Variants in LEPROTL1 observed in about 807,000 individuals in gnomAD.
The protein encoded by LEPROTL1 is leptin receptor overlapping transcript-like 1.
A neutral mutation model predicts 15.4 loss-of-function variants in LEPROTL1; 6 were observed. The ratio of observed to expected loss-of-function variants is 0.39; its 90% confidence interval spans 0.21 to 0.77. LEPROTL1 has a LOEUF of 0.77. LEPROTL1 is among the 30% of genes least tolerant of loss of function. The probability of loss-of-function intolerance (pLI) is 0.41; values close to 1 mark genes in which losing one functional copy is unlikely to be tolerated. For missense variants in LEPROTL1, 128 were observed against 158.1 expected (o/e 0.81, Z 1.02); for synonymous variants, 56 against 52.6 (o/e 1.06, Z -0.28).
chr8:30,110,004 T>A (rs1270519118), downstream of LEPROTL1, among the ~76,000 whole-genome samples: 1 of 152,204 alleles, frequency 6.6e-6, no homozygotes. Context: ...TATTCTGAGC[T>A]CAAGATACTC....
At chr8:30,122,794 CA>C (rs370853347) in intron 3 of LEPROTL1, among the ~76,000 whole-genome samples, 2 of 152,214 alleles carry the variant, frequency 1.3e-5, no homozygotes, top group Admixed American at 6.5e-5. Context: ...GACTCTCTCC[CA>C]AAAAAACTTT....
Position 30,132,487 on chromosome 8 carries a change from TAG to T in LEPROTL1, c.393_394del (p.Asp132TrpfsTer21), listed in dbSNP as rs1162990495. On this transcript the variant is annotated frameshift_variant and splice_region_variant, in exon 4 of 5. Coordinates refer to the LEPROTL1 transcript ENST00000442880. LOFTEE classifies it low-confidence loss of function (END_TRUNC). The stretch of plus-strand genomic sequence containing the variant: ...GTCGTCCAGGATCCAGTGGGAGTAG[TAG>T]GTGAGCTTGAAAAGCCCAGCTGTGG... 6.4e-7 allele frequency: 1 copy of T among 1,551,704 alleles called. No individual in the cohort carries two copies. Among genetic ancestry groups the T allele is most frequent in the East Asian group, 2.4e-5 (1 of 40,918 alleles).
intron 3 of LEPROTL1, chr8:30,117,929 A>G: frequency 6.1e-6 from 3 of 489,772 alleles, no homozygotes. Flanking sequence ...AAATGCTTAT[A>G]GACATAAAGT....
intron 3 of LEPROTL1, among the ~76,000 whole-genome samples, chr8:30,105,457 C>G (rs1481414636): frequency 6.6e-6 from 1 of 151,214 alleles, no homozygotes; most frequent in South Asian, 2.1e-4. Context: ...TCATGACTTT[C>G]TTTTTAAAGG....
At chr8:30,109,152 C>T (rs907136864), downstream of LEPROTL1, among the ~76,000 whole-genome samples, 3 of 152,036 alleles carry the variant, frequency 2.0e-5, no homozygotes, top group Non-Finnish European at 2.9e-5. Context: ...TTTTAAGTTT[C>T]AGATAACTTT....
intron 4 of LEPROTL1, among the ~76,000 whole-genome samples, chr8:30,136,298 GACACAGACACAT>G (rs1803137732): frequency 6.6e-6 from 1 of 152,142 alleles, no homozygotes; most frequent in Non-Finnish European, 1.5e-5. Context: ...AGACAATTAG[GACACAGACACAT>G]GCACAGACAG....
chr8:30,095,664 G>A, intron 1 of LEPROTL1, 136 bp downstream of exon 1: 1 of 745,878 alleles, frequency 1.3e-6, no homozygotes, highest in Non-Finnish European at 2.0e-6. Context: ...AGCGACCCCC[G>A]CCCCGGCCCT....
chr8:30,098,228 A>G (rs1285963620), intron 1 of LEPROTL1, among the ~76,000 whole-genome samples: 1 of 152,218 alleles, frequency 6.6e-6, no homozygotes, highest in Non-Finnish European at 1.5e-5. Context: ...CAAGGTATAT[A>G]GGTAATAGTG....
downstream of LEPROTL1, among the ~76,000 whole-genome samples, chr8:30,109,243 G>C (rs1255602604): frequency 1.3e-5 from 2 of 152,310 alleles, no homozygotes; most frequent in East Asian, 1.9e-4. Flanking sequence ...GATGCTTTAT[G>C]ATGTATACGA....
chr8:30,129,200 C>T (rs943421013), intron 3 of LEPROTL1, among the ~76,000 whole-genome samples: 5 of 152,172 alleles, frequency 3.3e-5, no homozygotes, highest in Admixed American at 6.5e-5. Context: ...TGCACCCCAC[C>T]AAGGCCACTA....
At chr8:30,119,799 C>T (rs1028548091) in intron 3 of LEPROTL1, among the ~76,000 whole-genome samples, 3 of 152,034 alleles carry the variant, frequency 2.0e-5, no homozygotes, top group Non-Finnish European at 2.9e-5. Flanking sequence ...TTGGGCCTGG[C>T]GGCTCATGTC....
Position 30,106,642 on chromosome 8 carries a change from A to G in LEPROTL1, c.*780A>G. 1 of 982,950 alleles carries G rather than the reference A, an allele frequency of 1.0e-6. No homozygotes were observed. Among genetic ancestry groups the G allele is most frequent in the Non-Finnish European group, 1.2e-6 (1 of 827,288 alleles). The allele number at this position is 982,950 out of a possible 1,614,324, so 60.9% of individuals were successfully genotyped here. On this transcript the variant is annotated 3_prime_UTR_variant, in exon 4 of 4. Transcript: ENST00000321250. ...TTTATTATTGTTAGAGTGAGTTGCA[A>G]TGTGGGAAGAAATGACATTGAAATT...
At position 30,117,859 on chromosome 8, in the gene LEPROTL1, G is replaced by C. The variant is rs755186111; in HGVS notation, c.279+13373G>C. On this transcript the variant is annotated intron_variant, in intron 3 of 4. Coordinates refer to the LEPROTL1 transcript ENST00000442880. ...AATTTTTAAAATCTGAAAGTTAGCA[G>C]AAGATTGATTAAATCAACTGTGACT... The C allele has an allele frequency of 2.0e-5, 12 of 601,486 alleles. No homozygotes were observed. The African/African-American group carries it at 2.2e-4, about 11-fold the overall frequency. 37.3% of individuals were successfully genotyped at this position (601,486 alleles called of 1,614,324 possible). A position where few individuals can be genotyped will look rare whatever the true frequency, so the allele number is the denominator to read the frequency against.
intron 3 of LEPROTL1, among the ~76,000 whole-genome samples, chr8:30,113,591 A>T (rs1301373783): frequency 6.6e-6 from 1 of 152,118 alleles, no homozygotes; most frequent in Non-Finnish European, 1.5e-5. Flanking sequence ...ATGACTACGC[A>T]TCTCCACGTA....
At position 30,107,042 on chromosome 8, in the gene LEPROTL1, T is replaced by C. The variant is rs1802579294; in HGVS notation, c.*1180T>C. ...TAACAGTTTAAGATTTAGACCATGG[T>C]AATAGTAGTTCTTATTCTCTAAGGT... On this transcript the variant is annotated 3_prime_UTR_variant, in exon 4 of 4. Transcript: ENST00000321250. 20 of 972,574 alleles carry C rather than the reference T, an allele frequency of 2.1e-5. No individual in the cohort carries two copies. Among genetic ancestry groups the C allele is most frequent in the South Asian group, 4.7e-5 (1 of 21,062 alleles). 60.2% of individuals were successfully genotyped at this position (972,574 alleles called of 1,614,324 possible).
At chr8:30,111,416 A>T (rs951542958), downstream of LEPROTL1, among the ~76,000 whole-genome samples, 3 of 152,364 alleles carry the variant, frequency 2.0e-5, no homozygotes, top group African/African-American at 7.2e-5. Context: ...ATATACATTT[A>T]AAAACCCAGA....
intron 1 of LEPROTL1, among the ~76,000 whole-genome samples, chr8:30,097,711 A>C (rs1802395623): frequency 6.7e-6 from 1 of 148,760 alleles, no homozygotes; most frequent in Non-Finnish European, 1.5e-5. Flanking sequence ...ACACACACAC[A>C]CACACACACA....
Position 30,108,061 on chromosome 8 carries a change from T to C in LEPROTL1, c.*2199T>C. ...ATGATGAAACAATAAAGATTTTAAA[T>C]ATCTATTTTAGTTTGTGGGTGTTTT... On this transcript the variant is annotated 3_prime_UTR_variant, in exon 4 of 4. Transcript: ENST00000321250. 2 of 863,320 alleles carry C rather than the reference T, an allele frequency of 2.3e-6. No homozygotes were observed. The highest frequency in any genetic ancestry group is 2.8e-6 in the Non-Finnish European group (2 of 718,850). 53.5% of individuals were successfully genotyped at this position (863,320 alleles called of 1,614,324 possible). A position where few individuals can be genotyped will look rare whatever the true frequency, so the allele number is the denominator to read the frequency against.
downstream of LEPROTL1, among the ~76,000 whole-genome samples, chr8:30,113,335 C>G (rs1272355952): frequency 6.6e-6 from 1 of 152,002 alleles, no homozygotes; most frequent in African/African-American, 2.4e-5. Context: ...GAAGGGGAAG[C>G]CTTGGTGGAT....
Sources: allele counts gnomAD v4.1 joint callset (sites outside exome capture counted in the v4.1 genomes callset), GRCh38; gene constraint gnomAD v4.1.1; transcripts MANE v1.5; gene names NCBI Gene and HGNC (gene_info 2026-07-23, HGNC 2026-07-21).